Variants in PTPRO observed in about 807,000 individuals in gnomAD.
The protein encoded by PTPRO is protein tyrosine phosphatase receptor type O.
Under a neutral mutation model 145.2 loss-of-function variants are expected in PTPRO, and 62 were observed. The observed-to-expected ratio is 0.43, with a 90% confidence interval of 0.35 to 0.53. The LOEUF (loss-of-function observed/expected upper bound fraction) is 0.53. PTPRO is among the 20% of genes least tolerant of loss of function. The pLI is 0.01. For synonymous variants in PTPRO, 565 were observed against 514.7 expected (o/e 1.10, Z -1.32); for missense variants, 1,345 against 1,482.7 (o/e 0.91, Z 1.53).
chr12:15,454,721 T>C (rs1941131472), intron 1 of PTPRO, among the ~76,000 whole-genome samples: 2 of 152,188 alleles, frequency 1.3e-5, no homozygotes, highest in Non-Finnish European at 1.5e-5. Context: ...TCATGTCTCG[T>C]GTTTAAGTCT....
intron 1 of PTPRO, among the ~76,000 whole-genome samples, chr12:15,369,257 C>G (rs962902542): frequency 6.6e-6 from 1 of 152,010 alleles, no homozygotes; most frequent in African/African-American, 2.4e-5. Flanking sequence ...GGAAACATAC[C>G]CTATGATTAA....
intron 12 of PTPRO, among the ~76,000 whole-genome samples, chr12:15,528,627 G>A (rs1322038289): frequency 6.6e-6 from 1 of 151,890 alleles, no homozygotes; most frequent in East Asian, 1.9e-4. Context: ...AATAATAATA[G>A]AAAACATTCC....
At position 15,551,873 on chromosome 12, in the gene PTPRO, G is replaced by A. The variant is rs1033072506; in HGVS notation, c.2558+202G>A. 2.6e-5 allele frequency among the ~76,000 whole-genome samples: 4 copies of A among 152,108 alleles called. No homozygotes were observed. The East Asian group carries it at 7.7e-4, about 29-fold the overall frequency. Reference sequence around the variant, plus strand: ...TTACCATTGAAATGAGAAAGCAAAGGATTGCTTGTTTACACAAAGTCAGAC... The same window carrying A: ...TTACCATTGAAATGAGAAAGCAAAGAATTGCTTGTTTACACAAAGTCAGAC... On this transcript the variant is annotated intron_variant, in intron 15 of 26. Transcript: ENST00000281171.
intron 1 of PTPRO, among the ~76,000 whole-genome samples, chr12:15,353,080 CCT>C (rs1937862955): frequency 6.6e-6 from 1 of 152,140 alleles, no homozygotes; most frequent in Admixed American, 6.6e-5. Flanking sequence ...GTGAGTGTTT[CCT>C]CACATGTAAT....
chr12:15,473,167 G>C (rs1941579262), intron 1 of PTPRO, among the ~76,000 whole-genome samples: 1 of 152,184 alleles, frequency 6.6e-6, no homozygotes, highest in South Asian at 2.1e-4. Flanking sequence ...ACAGGCAGAA[G>C]AGTAGGTGTC....
chr12:15,380,467 G>T (rs1378865440), intron 1 of PTPRO, among the ~76,000 whole-genome samples: 5 of 152,116 alleles, frequency 3.3e-5, no homozygotes, highest in Non-Finnish European at 7.4e-5. Context: ...AGATGAACAA[G>T]CACAATGAAA....
chr12:15,378,954 A>G (rs1434658115), intron 1 of PTPRO, among the ~76,000 whole-genome samples: 1 of 152,192 alleles, frequency 6.6e-6, no homozygotes, highest in Non-Finnish European at 1.5e-5. Flanking sequence ...CAGTGGAGAA[A>G]TGCAAATCAA....
At chr12:15,567,841 A>T (rs1278694628) in intron 18 of PTPRO, among the ~76,000 whole-genome samples, 1 of 152,150 alleles carries the variant, frequency 6.6e-6, no homozygotes, top group Non-Finnish European at 1.5e-5. Flanking sequence ...TGGGCTACTC[A>T]CTTAACTCTC....
At chr12:15,349,052 A>C (rs981936117) in intron 1 of PTPRO, among the ~76,000 whole-genome samples, 2 of 152,230 alleles carry the variant, frequency 1.3e-5, no homozygotes, top group African/African-American at 4.8e-5. Context: ...AGACCATAGA[A>C]TAGTCTGACC....
At chr12:15,407,689 AC>A (rs1367229076) in intron 1 of PTPRO, among the ~76,000 whole-genome samples, 1 of 152,154 alleles carries the variant, frequency 6.6e-6, no homozygotes, top group Non-Finnish European at 1.5e-5. Flanking sequence ...AAACATTTTT[AC>A]TCCTCTTCTT....
intron 1 of PTPRO, among the ~76,000 whole-genome samples, chr12:15,357,571 C>A (rs897671484): frequency 6.6e-6 from 1 of 151,668 alleles, no homozygotes; most frequent in Non-Finnish European, 1.5e-5. Flanking sequence ...AAAAAGTGGG[C>A]AAAGGACATG....
At chr12:15,428,676 A>G (rs959246060) in intron 1 of PTPRO, among the ~76,000 whole-genome samples, 1 of 152,154 alleles carries the variant, frequency 6.6e-6, no homozygotes, top group African/African-American at 2.4e-5. Flanking sequence ...TTCAAATAAG[A>G]TAGAATTTAT....
chr12:15,331,742 T>A (rs1866614446), intron 1 of PTPRO, among the ~76,000 whole-genome samples: 1 of 152,218 alleles, frequency 6.6e-6, no homozygotes, highest in African/African-American at 2.4e-5. Context: ...GCAATACTCT[T>A]GTATTGAATG....
In PTPRO at chr12:15,526,159, G is replaced by A. The variant is rs1942833222; in HGVS notation, c.2061G>A (p.Met687Ile). 3.7e-6 allele frequency: 6 copies of A among 1,613,942 alleles called. No individual in the cohort carries two copies. The highest frequency in any genetic ancestry group is 5.1e-6 in the Non-Finnish European group (6 of 1,179,922). ...TCTTGCAGGTAACACGCAATGTCAT[G>A]ACTGCAATTCTCAGCTTGCCTCCAG... Reference protein sequence around the residue: ...KIKKSVTRNVMTAILSLPPGD... With the variant: ...KIKKSVTRNVITAILSLPPGD... The change falls in exon 12 of 27, where the codon ATG (methionine) becomes ATA (isoleucine). Residue 687 changes from methionine (M) to isoleucine (I), a missense_variant. Physicochemically the swap from Met to Ile is conservative, Grantham distance 10. This residue lies in a region of PTPRO where 1,130 missense variants were observed against 1,214.7 expected (regional missense o/e 0.93). Transcript: ENST00000281171.
At chr12:15,326,744 G>A (rs1358337004) in intron 1 of PTPRO, among the ~76,000 whole-genome samples, 1 of 152,184 alleles carries the variant, frequency 6.6e-6, no homozygotes, top group Non-Finnish European at 1.5e-5. Flanking sequence ...ATTGGTAGCA[G>A]TGTGGCACAA....
chr12:15,574,762 T>C (rs965415391), intron 19 of PTPRO, among the ~76,000 whole-genome samples: 1 of 152,220 alleles, frequency 6.6e-6, no homozygotes, highest in African/African-American at 2.4e-5. Context: ...GGAAAATGAC[T>C]TGTTGGATTT....
chr12:15,597,936 T>C lies in PTPRO; in HGVS notation c.*1863T>C, dbSNP rs183936873. Among the ~76,000 whole-genome samples, 23 of 152,362 alleles carry C rather than the reference T, an allele frequency of 1.5e-4. No homozygotes were observed. The East Asian group carries it at 4.2e-3, about 28-fold the overall frequency. On this transcript the variant is annotated 3_prime_UTR_variant, in exon 27 of 27. Coordinates refer to ENST00000281171, the MANE Select transcript of PTPRO (RefSeq NM_030667.3). ...GCAGTCAGGAGTGAAATGTGCAACC[T>C]TGGAAGAGCTGATACAATGTATGGT...
chr12:15,504,211 C>A, intron 6 of PTPRO, 142 bp downstream of exon 6: 1 of 920,070 alleles, frequency 1.1e-6, no homozygotes, highest in South Asian at 1.6e-5. Flanking sequence ...CTGAGATCCA[C>A]AAGCTTTGGA....
At chr12:15,542,362 T>G (rs1943198100) in intron 12 of PTPRO, among the ~76,000 whole-genome samples, 1 of 152,206 alleles carries the variant, frequency 6.6e-6, no homozygotes, top group African/African-American at 2.4e-5. Flanking sequence ...TCACAATGTT[T>G]TAAGAAAGTT....
Sources: gnomAD v4.1 joint callset for allele counts (sites outside exome capture counted in the v4.1 genomes callset) on GRCh38, gnomAD v4.1.1 for gene constraint, gnomAD v4.1.1 regional missense constraint, MANE v1.5 for transcripts, NCBI Gene and HGNC (gene_info 2026-07-23, HGNC 2026-07-21) for gene names.